Variants in CNTN4 observed in about 807,000 individuals in gnomAD.
The protein encoded by CNTN4 is contactin-4.
A neutral mutation model predicts 122.5 loss-of-function variants in CNTN4; 77 were observed. That is an observed-to-expected ratio of 0.63 (90% CI 0.52 to 0.76). The LOEUF (loss-of-function observed/expected upper bound fraction) is 0.76. Among genes scored for constraint, CNTN4 ranks in the 30% least tolerant of loss-of-function variants. CNTN4 has a pLI of 0.00. For synonymous variants in CNTN4, 512 were observed against 447.0 expected, an observed-to-expected ratio of 1.15 and a Z score of -1.83; for missense variants, 1,256 against 1,259.1, an observed-to-expected ratio of 1.00 and a Z score of 0.04.
intron 2 of CNTN4, among the ~76,000 whole-genome samples, chr3:2,291,788 C>T (rs1048728277): frequency 6.6e-6 from 1 of 151,950 alleles, no homozygotes; most frequent in Non-Finnish European, 1.5e-5. Flanking sequence ...GGCTAGAGGG[C>T]GATGGCAGGA....
At chr3:2,615,958 A>G (rs2081707335) in intron 4 of CNTN4, among the ~76,000 whole-genome samples, 1 of 152,128 alleles carries the variant, frequency 6.6e-6, no homozygotes, top group African/African-American at 2.4e-5. Context: ...AAATACCATA[A>G]ATTCCTCTTT....
At chr3:2,918,730 G>T (rs560761147) in intron 12 of CNTN4, among the ~76,000 whole-genome samples, 1 of 152,306 alleles carries the variant, frequency 6.6e-6, no homozygotes, top group East Asian at 1.9e-4. Context: ...AGATGATTTA[G>T]TAGTATAAAC....
intron 14 of CNTN4, among the ~76,000 whole-genome samples, chr3:3,014,093 G>A (rs867434840): frequency 2.5e-4 from 37 of 148,066 alleles, no homozygotes; most frequent in Admixed American, 6.8e-4. Flanking sequence ...CACACCCCTA[G>A]GGGTTTTGTT....
chr3:2,281,600 A>G (rs923514546), intron 2 of CNTN4, among the ~76,000 whole-genome samples: 1 of 152,088 alleles, frequency 6.6e-6, no homozygotes, highest in Admixed American at 6.6e-5. Context: ...ATGTCATTAT[A>G]TACCAACTGA....
chr3:2,159,518 G>A (rs2149167458), intron 2 of CNTN4, among the ~76,000 whole-genome samples: 1 of 152,272 alleles, frequency 6.6e-6, no homozygotes. Flanking sequence ...AAAGGCATCA[G>A]AAGTTTGGCT....
chr3:2,578,698 A>G (rs2079803570), intron 4 of CNTN4, among the ~76,000 whole-genome samples: 1 of 152,180 alleles, frequency 6.6e-6, no homozygotes, highest in South Asian at 2.1e-4. Context: ...TTCTCTTTGT[A>G]AGAAAATGAC....
intron 18 of CNTN4, among the ~76,000 whole-genome samples, chr3:3,038,643 C>T (rs570862490): frequency 1.8e-4 from 27 of 152,332 alleles, no homozygotes; most frequent in Non-Finnish European, 3.2e-4. Flanking sequence ...TTCCTCCCTT[C>T]GGGAACCCCT....
intron 3 of CNTN4, among the ~76,000 whole-genome samples, chr3:2,342,279 G>A (rs541146928): frequency 6.6e-6 from 1 of 152,088 alleles, no homozygotes; most frequent in Non-Finnish European, 1.5e-5. Context: ...AGACAATTTA[G>A]TCTAAACTGC....
At chr3:2,969,516 GATT>G (rs57712177) in intron 13 of CNTN4, among the ~76,000 whole-genome samples, 4 of 121,430 alleles carry the variant, frequency 3.3e-5, no homozygotes, top group Admixed American at 2.6e-4. Flanking sequence ...GGAAAATTGG[GATT>G]ATTATTATTA....
intron 4 of CNTN4, among the ~76,000 whole-genome samples, chr3:2,714,192 A>AT (rs1306581321): frequency 2.0e-5 from 3 of 152,124 alleles, no homozygotes; most frequent in Admixed American, 6.6e-5. Flanking sequence ...TTTCACAACA[A>AT]TTTTTTTAAA....
Position 2,997,649 on chromosome 3 carries a change from A to G in CNTN4, c.1486+9177A>G, listed in dbSNP as rs139919024. Among the ~76,000 whole-genome samples, 18 of 152,346 alleles carry G rather than the reference A, an allele frequency of 1.2e-4. No homozygotes were observed. In the East Asian group the frequency reaches 1.3e-3, roughly 11 times the overall value. On this transcript the variant is annotated intron_variant, in intron 14 of 24. Transcript: ENST00000418658. Reference sequence around the variant, plus strand: ...AGGTTAAATACAGAATCTGACCAAGATGAAAGCAAGTTAATTAACATTTTC... The same window carrying G: ...AGGTTAAATACAGAATCTGACCAAGGTGAAAGCAAGTTAATTAACATTTTC...
chr3:2,205,390 T>C (rs1038714977), intron 2 of CNTN4, among the ~76,000 whole-genome samples: 4 of 151,152 alleles, frequency 2.6e-5, no homozygotes, highest in East Asian at 1.9e-4. Flanking sequence ...TTTTGTAATG[T>C]AATTACAAAA....
intron 2 of CNTN4, among the ~76,000 whole-genome samples, chr3:2,170,319 C>G (rs2036444477): frequency 6.6e-6 from 1 of 151,256 alleles, no homozygotes; most frequent in Admixed American, 6.6e-5. Context: ...GACTCCGTCT[C>G]AAAACAAAAA....
intron 3 of CNTN4, among the ~76,000 whole-genome samples, chr3:2,350,082 C>G (rs2044550962): frequency 1.3e-5 from 2 of 152,136 alleles, no homozygotes; most frequent in East Asian, 1.9e-4. Context: ...TTAGAGAAGT[C>G]ATCGTGGTTG....
chr3:2,407,674 A>T (rs554087594), intron 3 of CNTN4, among the ~76,000 whole-genome samples: 3 of 152,312 alleles, frequency 2.0e-5, no homozygotes, highest in African/African-American at 7.2e-5. Context: ...GAGAAGGTGG[A>T]AATAGCACTG....
intron 2 of CNTN4, among the ~76,000 whole-genome samples, chr3:2,227,931 GC>G (rs1559360231): frequency 1.3e-5 from 2 of 152,128 alleles, no homozygotes; most frequent in Non-Finnish European, 2.9e-5. Context: ...TGTTTGCAGT[GC>G]TTTGAAGTAC....
rs2046192684 is a variant in CNTN4 at position 2,385,014 on chromosome 3, C to G, written c.-89+45781C>G. Among the ~76,000 whole-genome samples the G allele has an allele frequency of 6.6e-6, 1 of 152,038 alleles. No homozygotes were observed. Among genetic ancestry groups the G allele is most frequent in the African/African-American group, 2.4e-5 (1 of 41,410 alleles). On this transcript the variant is annotated intron_variant, in intron 3 of 24. Transcript: ENST00000418658. The surrounding 1 kb of genome is among the most constrained non-coding windows in gnomAD (Gnocchi z 4.0). ...TGGTTTTACTGCCTCCATTCAGATC[C>G]TCCTTTTCTCTCTTGCTTCGCCTCT...
intron 2 of CNTN4, among the ~76,000 whole-genome samples, chr3:2,170,073 G>A (rs2036411276): frequency 6.6e-6 from 1 of 151,998 alleles, no homozygotes; most frequent in Admixed American, 6.6e-5. Context: ...TGTAATCCCA[G>A]CACTTTGGGA....
intron 2 of CNTN4, among the ~76,000 whole-genome samples, chr3:2,208,111 A>T (rs866094227): frequency 6.6e-6 from 1 of 152,152 alleles, no homozygotes; most frequent in Non-Finnish European, 1.5e-5. Context: ...TAAGATATAT[A>T]CTTCATAAGG....
Sources: gnomAD v4.1 joint callset for allele counts (sites outside exome capture counted in the v4.1 genomes callset) on GRCh38, gnomAD v4.1.1 for gene constraint, Gnocchi (gnomAD v3.1) non-coding constraint, MANE v1.5 for transcripts, NCBI Gene and HGNC (gene_info 2026-07-23, HGNC 2026-07-21) for gene names.